Variants in PTPN13 observed in about 807,000 individuals in gnomAD.
PTPN13 encodes the protein tyrosine-protein phosphatase non-receptor type 13.
Under a neutral mutation model 284.0 loss-of-function variants are expected in PTPN13, and 191 were observed. That is an observed-to-expected ratio of 0.67 (90% CI 0.60 to 0.76). PTPN13 has a LOEUF of 0.76. Among genes scored for constraint, PTPN13 ranks in the 30% least tolerant of loss-of-function variants. The pLI is 0.00. For missense variants in PTPN13, 2,797 were observed against 2,939.9 expected (o/e 0.95, Z 1.12); for synonymous variants, 986 against 1,022.3 (o/e 0.96, Z 0.68).
At chr4:86,614,161 T>C (rs1196932615) in intron 1 of PTPN13, among the ~76,000 whole-genome samples, 1 of 152,198 alleles carries the variant, frequency 6.6e-6, no homozygotes, top group African/African-American at 2.4e-5. Flanking sequence ...TTTGTTGTAA[T>C]ATACAAGACG....
At chr4:86,730,134 T>C (rs1447173502) in intron 10 of PTPN13, among the ~76,000 whole-genome samples, 1 of 149,750 alleles carries the variant, frequency 6.7e-6, no homozygotes. Context: ...AGACCCTGTT[T>C]GCCTGGGTAT....
chr4:86,625,178 TA>T (rs1721693099), intron 1 of PTPN13, among the ~76,000 whole-genome samples: 1 of 152,120 alleles, frequency 6.6e-6, no homozygotes, highest in African/African-American at 2.4e-5. Context: ...CCTCCTCCTA[TA>T]TCTTGGAACT....
rs963684053 is a variant in PTPN13, at chr4:86,778,087, GTTC to G, written c.5892-2307_5892-2305del. Among the ~76,000 whole-genome samples the G allele has an allele frequency of 3.9e-5, 6 of 152,114 alleles. No individual in the cohort carries two copies. In the South Asian group the frequency reaches 6.2e-4, roughly 16 times the overall value. ...GGTAGTCACAGTTATTTTCTCCTTT[GTTC>G]TTCTTCTAGCTCTCTCTTCATTGTG... On this transcript the variant is annotated intron_variant, in intron 35 of 47. Coordinates refer to ENST00000411767, the MANE Select transcript of PTPN13 (RefSeq NM_080683.3).
At chr4:86,741,933 T>G in intron 16 of PTPN13, 117 bp downstream of exon 16, 2 of 806,336 alleles carry the variant, frequency 2.5e-6, no homozygotes, top group Non-Finnish European at 3.7e-6. Context: ...TACATCTTAA[T>G]ACTATTTAAC....
At chr4:86,762,699 A>C in intron 23 of PTPN13, 28 bp from the exon 24 acceptor site, 1 of 1,498,730 alleles carries the variant, frequency 6.7e-7, no homozygotes, top group Non-Finnish European at 9.2e-7. Context: ...CTAACTTGTT[A>C]CTCTCATTGA....
chr4:86,732,661 G>T lies in PTPN13; in HGVS notation c.1753G>T (p.Glu585Ter). The change falls in exon 12 of 48, where the codon GAA becomes TAA. Residue 585 changes from glutamate to a stop codon, truncating the protein, a stop_gained. Transcript: ENST00000411767. LOFTEE classifies it high-confidence loss of function. The stretch of plus-strand genomic sequence containing the variant: ...AATGCTTCTGAACGGGCAAAGACTG[G>T]AACTGACCTGTGATACCAAAACTAT... ...NIMLLNGQRL[E>*]LTCDTKTICK... 1 of 1,613,620 alleles carries T rather than the reference G, an allele frequency of 6.2e-7. No individual in the cohort carries two copies. Among genetic ancestry groups the T allele is most frequent in the Non-Finnish European group, 8.5e-7 (1 of 1,179,690 alleles).
At position 86,752,882 on chromosome 4, in the gene PTPN13, C is replaced by T. The variant is rs531298980; in HGVS notation, c.3167-127C>T. ...AAATGCCCATTGGAGGATGTTTTCT[C>T]AGTGTAAATACAAAATGTTGCTGCC... On this transcript the variant is annotated intron_variant, in intron 19 of 47. Transcript: ENST00000411767. 1.2e-5 allele frequency: 6 copies of T among 506,966 alleles called. No homozygotes were observed. In the East Asian group the frequency reaches 1.6e-4, roughly 13 times the overall value. The allele number at this position is 506,966 out of a possible 1,614,324, so 31.4% of individuals were successfully genotyped here. A position where few individuals can be genotyped will look rare whatever the true frequency, so the allele number is the denominator to read the frequency against.
At chr4:86,761,761 G>C (rs1445469463) in intron 23 of PTPN13, among the ~76,000 whole-genome samples, 1 of 151,876 alleles carries the variant, frequency 6.6e-6, no homozygotes, top group Admixed American at 6.6e-5. Flanking sequence ...CTTTTTTGTT[G>C]AATTTTAGCA....
At chr4:86,594,825 T>G (rs1382754090) in intron 1 of PTPN13, 36 bp downstream of exon 1, 1 of 152,286 alleles carries the variant, frequency 6.6e-6, no homozygotes, top group Non-Finnish European at 1.5e-5. Context: ...CTGCGCTGCA[T>G]GTGCAGAAGT....
chr4:86,782,586 G>T (rs1338123584), intron 37 of PTPN13, among the ~76,000 whole-genome samples: 4 of 152,136 alleles, frequency 2.6e-5, no homozygotes, highest in East Asian at 3.8e-4. Context: ...GGGAAGAGAA[G>T]AATAATATAA....
chr4:86,755,093 A>G (rs1256962725), intron 20 of PTPN13, among the ~76,000 whole-genome samples: 5 of 152,062 alleles, frequency 3.3e-5, no homozygotes, highest in East Asian at 1.9e-4. Flanking sequence ...TCTAATTTCA[A>G]TGTTCTTCCT....
Position 86,771,449 on chromosome 4 carries a change from T to A in PTPN13, c.5082T>A (p.His1694Gln). 6.4e-7 allele frequency: 1 copy of A among 1,565,712 alleles called. No individual in the cohort carries two copies. Among genetic ancestry groups the A allele is most frequent in the South Asian group, 1.2e-5 (1 of 85,228 alleles). Reference protein sequence around the residue: ...SNMVSQAQSHHEAPKSQEDTI... With the variant: ...SNMVSQAQSHQEAPKSQEDTI... ...TGGTATCACAGGCACAGAGTCATCA[T>A]GAAGCACCCAAGAGTCAAGAAGATA... The change falls in exon 31 of 48, where the codon CAT becomes CAA. Residue 1694 changes from histidine to glutamine, a missense_variant. Transcript: ENST00000411767.
intron 1 of PTPN13, among the ~76,000 whole-genome samples, chr4:86,634,276 A>C (rs144899625): frequency 2.0e-5 from 3 of 152,266 alleles, no homozygotes; most frequent in African/African-American, 7.2e-5. Flanking sequence ...TTATGCTTAA[A>C]TTGGTTTTGT....
intron 1 of PTPN13, among the ~76,000 whole-genome samples, chr4:86,619,447 A>T (rs1023354871): frequency 1.3e-5 from 2 of 152,198 alleles, no homozygotes; most frequent in Non-Finnish European, 2.9e-5. Context: ...TATACATTTC[A>T]GTTTTTAAAA....
chr4:86,631,698 G>A lies in PTPN13; in HGVS notation c.-5-3554G>A, dbSNP rs1056287998. 3.9e-5 allele frequency among the ~76,000 whole-genome samples: 6 copies of A among 151,920 alleles called. No homozygotes were observed. The East Asian group carries it at 9.6e-4, about 24-fold the overall frequency. On this transcript the variant is annotated intron_variant, in intron 1 of 47. Transcript: ENST00000411767. ...AAAAAGTTTAAATAAAAATTAACAC[G>A]GTATTGATATAATTCGTACCCGATT...
chr4:86,696,160 C>T (rs1730574572), intron 6 of PTPN13, among the ~76,000 whole-genome samples: 2 of 151,854 alleles, frequency 1.3e-5, no homozygotes, highest in Admixed American at 1.3e-4. Flanking sequence ...GGTTATTTGT[C>T]ATTTACATAT....
chr4:86,639,229 G>A (rs201268244), intron 2 of PTPN13, among the ~76,000 whole-genome samples: 23,377 of 151,568 alleles, frequency 0.15, 2,296 homozygotes, highest in East Asian at 0.28. Flanking sequence ...ACTGTTGGTG[G>A]GACTGTAAAC....
chr4:86,810,365 A>G (rs1365597581), intron 46 of PTPN13, among the ~76,000 whole-genome samples: 1 of 152,064 alleles, frequency 6.6e-6, no homozygotes, highest in Admixed American at 6.6e-5. Context: ...TTAATGAAAA[A>G]GCTTGTATTT....
intron 5 of PTPN13, 23 bp from the exon 6 acceptor site, chr4:86,693,564 G>C (rs368518040): frequency 2.1e-6 from 3 of 1,445,786 alleles, no homozygotes; most frequent in Non-Finnish European, 2.8e-6. Flanking sequence ...TGTCAAACTT[G>C]ATTTTTTATT....
Sources: gnomAD v4.1 joint callset for allele counts (sites outside exome capture counted in the v4.1 genomes callset) on GRCh38, gnomAD v4.1.1 for gene constraint, MANE v1.5 for transcripts, NCBI Gene and HGNC (gene_info 2026-07-23, HGNC 2026-07-21) for gene names.